ZNF550: variants seen among roughly 807,000 people sequenced by gnomAD.
ZNF550 encodes the protein zinc finger protein 550.
In ZNF550, 42 loss-of-function variants were observed where a neutral mutation model predicts 40.2. The observed-to-expected ratio is 1.05, with a 90% CI of 0.82 to 1.35. ZNF550 has a LOEUF of 1.35. Among genes scored for constraint, ZNF550 ranks in the 40% most tolerant of loss-of-function variants. ZNF550 has a pLI of 0.00. For missense variants in ZNF550, 549 were observed against 525.2 expected (o/e 1.05, Z -0.44); for synonymous variants, 223 against 198.6 (o/e 1.12, Z -1.03).
intron 3 of ZNF550, among the ~76,000 whole-genome samples, chr19:57,550,687 A>G (rs952016706): frequency 6.6e-6 from 1 of 152,266 alleles, no homozygotes; most frequent in Non-Finnish European, 1.5e-5. Flanking sequence ...GAGGTGCTGG[A>G]AATATTGTAA....
intron 4 of ZNF550, chr19:57,543,650 C>G (rs376073933): frequency 1.0e-6 from 1 of 985,312 alleles, no homozygotes; most frequent in African/African-American, 1.7e-5. Flanking sequence ...AAACGTTTTA[C>G]CTCTGCCGGG....
intron 1 of ZNF550, among the ~76,000 whole-genome samples, chr19:57,558,487 C>T (rs1013503290): frequency 1.3e-5 from 2 of 152,132 alleles, no homozygotes; most frequent in African/African-American, 4.8e-5. Flanking sequence ...AATAAATGTA[C>T]TTAAGCCTGG....
intron 1 of ZNF550, chr19:57,556,936 G>C (rs2090127022): frequency 6.5e-6 from 1 of 152,968 alleles, no homozygotes; most frequent in Non-Finnish European, 1.5e-5. Flanking sequence ...TGTGTTTGCA[G>C]GCAGTATGCT....
At position 57,559,518 on chromosome 19, in the gene ZNF550, C is replaced by G. The variant is rs1450720705; in HGVS notation, c.27+138G>C. The G allele has an allele frequency of 1.1e-5, 9 of 828,404 alleles. No homozygotes were observed. In the South Asian group the frequency reaches 1.8e-4, roughly 16 times the overall value. The allele number at this position is 828,404 out of a possible 1,614,324, so 51.3% of individuals were successfully genotyped here. A position where few individuals can be genotyped will look rare whatever the true frequency, so the allele number is the denominator to read the frequency against. On this transcript the variant is annotated intron_variant, in intron 1 of 4. Coordinates refer to ENST00000457177, the Ensembl canonical transcript of ZNF550. The stretch of plus-strand genomic sequence containing the variant: ...CGGGCCTGCATTCCGGACCCGGGAC[C>G]GCGCGACCCCCTTCTAGGCCTCTAA...
At chr19:57,548,229 A>G (rs1195211380) in intron 3 of ZNF550, among the ~76,000 whole-genome samples, 3 of 152,146 alleles carry the variant, frequency 2.0e-5, no homozygotes, top group Non-Finnish European at 4.4e-5. Flanking sequence ...CGGAGTAAAG[A>G]CATTTCTCTT....
rs771951659 is a variant in ZNF550 at position 57,547,242 on chromosome 19, G to A, written c.1002C>T (p.Tyr334=). The change falls in exon 4 of 5, where the codon TAC becomes TAT. Residue 334 remains tyrosine (Y), a synonymous_variant. Transcript: ENST00000457177. ...AGGGCTTCTCTCCAGTGTGGATGAT[G>A]TAATGTTGAATTAGGTGGGCTCTAT... 2.0e-5 allele frequency: 33 copies of A among 1,613,822 alleles called. No individual in the cohort carries two copies. The East Asian group carries it at 6.5e-4, about 32-fold the overall frequency.
intron 4 of ZNF550, chr19:57,546,432 G>GTAAGGAC: frequency 1.0e-6 from 1 of 958,612 alleles, no homozygotes; most frequent in Non-Finnish European, 1.2e-6. Context: ...AGGGAAGTCT[G>GTAAGGAC]TAAGGACATA....
rs1270228186 is a variant in ZNF550 at position 57,554,310 on chromosome 19, A to G, written c.155-1588T>C. 6.6e-6 allele frequency: 1 copy of G among 152,254 alleles called. No individual in the cohort carries two copies. Among genetic ancestry groups the G allele is most frequent in the East Asian group, 1.9e-4 (1 of 5,194 alleles). The allele number at this position is 152,254 out of a possible 1,614,324, so 9.4% of individuals were successfully genotyped here. On this transcript the variant is annotated intron_variant, in intron 2 of 4. Transcript: ENST00000457177. This position sits in a 1 kb window ranked among gnomAD's most constrained non-coding sequence, Gnocchi z 4.5. ...ATTCCAAGGTGGGAGGATGGATTGA[A>G]CATGGGGGCCTGCTGCCCCAGTCAA...
At chr19:57,550,610 G>C in intron 3 of ZNF550, among the ~76,000 whole-genome samples, 1 of 152,202 alleles carries the variant, frequency 6.6e-6, no homozygotes, top group East Asian at 1.9e-4. Flanking sequence ...TCCCTAGGGA[G>C]AGAGTCTAAA....
chr19:57,544,085 CAT>C (rs1235070058), intron 4 of ZNF550: 17 of 985,344 alleles, frequency 1.7e-5, no homozygotes, highest in Admixed American at 1.2e-4. Context: ...CACCTGTTCT[CAT>C]GTGTTTTTCC....
chr19:57,560,228 G>A (rs998049559), upstream of ZNF550, among the ~76,000 whole-genome samples: 6 of 152,088 alleles, frequency 3.9e-5, no homozygotes, highest in African/African-American at 1.2e-4. Flanking sequence ...TGGTTACTGC[G>A]TCCTCCTCCA....
At chr19:57,549,868 G>C (rs538717827) in intron 3 of ZNF550, among the ~76,000 whole-genome samples, 2 of 152,304 alleles carry the variant, frequency 1.3e-5, no homozygotes, top group African/African-American at 4.8e-5. Flanking sequence ...GAGACAGAAT[G>C]ACTCAGTTCA....
chr19:57,547,162 T>C, exon 4 of ZNF550: 1 of 1,611,472 alleles, frequency 6.2e-7, no homozygotes, highest in Non-Finnish European at 8.5e-7. Context: ...AATCCGCTGG[T>C]GCTGTATGAG....
Position 57,546,998 on chromosome 19 carries a change from G to A in ZNF550, c.1246C>T (p.Gln416Ter). 1.2e-6 allele frequency: 2 copies of A among 1,612,558 alleles called. No homozygotes were observed. Among genetic ancestry groups the A allele is most frequent in the Non-Finnish European group, 1.7e-6 (2 of 1,178,810 alleles). The change falls in exon 4 of 5, where the codon CAG (glutamine) becomes TAG (stop). Residue 416 changes from glutamine to a stop codon, truncating the protein, a stop_gained. Coordinates refer to ENST00000457177, the Ensembl canonical transcript of ZNF550. LOFTEE classifies it high-confidence loss of function. ...TCTCATGTATGGACCCTTTGGTGCT[G>A]CAGAAGGTGTGACCTGCGTTTGAAG...
intron 2 of ZNF550, 144 bp downstream of exon 2, chr19:57,556,087 C>T: frequency 9.3e-7 from 1 of 1,071,540 alleles, no homozygotes; most frequent in South Asian, 1.3e-5. Context: ...CCGACAATCT[C>T]TGATGCAGAC....
intron 2 of ZNF550, chr19:57,555,343 TTTTC>T (rs2090110240): frequency 6.6e-6 from 1 of 152,142 alleles, no homozygotes; most frequent in South Asian, 2.1e-4. Flanking sequence ...GATCTGAGAC[TTTTC>T]TTTTTTTTTG....
intron 4 of ZNF550, among the ~76,000 whole-genome samples, chr19:57,546,166 AGTAT>A (rs1342656823): frequency 6.6e-6 from 1 of 152,204 alleles, no homozygotes; most frequent in Non-Finnish European, 1.5e-5. Context: ...AGATGTTCTC[AGTAT>A]TCTAATTTCT....
At chr19:57,547,792 T>C (rs1381541263) in exon 4 of ZNF550, 1 of 1,614,152 alleles carries the variant, frequency 6.2e-7, no homozygotes. Flanking sequence ...TTTCCCAAGA[T>C]GGGTCTCCTT....
chr19:57,558,223 G>A (rs992019227), intron 1 of ZNF550, among the ~76,000 whole-genome samples: 1 of 152,314 alleles, frequency 6.6e-6, no homozygotes, highest in African/African-American at 2.4e-5. Flanking sequence ...GCAGAGACCT[G>A]AGAACAATGT....
Sources: gnomAD v4.1 joint callset for allele counts (sites outside exome capture counted in the v4.1 genomes callset) on GRCh38, gnomAD v4.1.1 for gene constraint, Gnocchi (gnomAD v3.1) non-coding constraint, MANE v1.5 for transcripts, NCBI Gene and HGNC (gene_info 2026-07-23, HGNC 2026-07-21) for gene names.